The following WWP1 variants were observed in gnomAD, a reference collection of about 807,000 sequenced individuals.
WWP1 encodes WW domain containing E3 ubiquitin protein ligase 1.
Under a neutral mutation model 130.6 loss-of-function variants are expected in WWP1, and 49 were observed. That is an observed-to-expected ratio of 0.38 (90% CI 0.30 to 0.48). The LOEUF is 0.48. WWP1 is among the 20% of genes least tolerant of loss of function. The pLI, the probability that WWP1 is intolerant of heterozygous loss-of-function variation, is 0.99. For synonymous variants in WWP1, 332 were observed against 367.8 expected, an observed-to-expected ratio of 0.90 and a Z score of 1.11; for missense variants, 809 against 1,100.6, an observed-to-expected ratio of 0.74 and a Z score of 3.75.
intron 14 of WWP1, among the ~76,000 whole-genome samples, chr8:86,434,727 CTG>C (rs1433026338): frequency 6.6e-6 from 1 of 152,308 alleles, no homozygotes; most frequent in East Asian, 1.9e-4. Context: ...AATGCTGTCA[CTG>C]TCTAGAAGAA....
intron 2 of WWP1, among the ~76,000 whole-genome samples, chr8:86,370,661 C>G (rs1003870957): frequency 2.1e-4 from 32 of 152,062 alleles, no homozygotes; most frequent in Non-Finnish European, 2.6e-4. Context: ...TGATAACCAT[C>G]AAAATAATTC....
At chr8:86,442,491 A>G in intron 17 of WWP1, 128 bp from the exon 18 acceptor site, 2 of 873,038 alleles carry the variant, frequency 2.3e-6, no homozygotes, top group African/African-American at 1.7e-5. Context: ...TAGAGGGCCA[A>G]AGAATTGGGC....
intron 17 of WWP1, among the ~76,000 whole-genome samples, chr8:86,439,523 A>G (rs1810483602): frequency 6.6e-6 from 1 of 152,124 alleles, no homozygotes; most frequent in African/African-American, 2.4e-5. Flanking sequence ...AAATGGCTGT[A>G]CAATATTCTG....
At chr8:86,362,505 T>C (rs1433793137) in intron 1 of WWP1, among the ~76,000 whole-genome samples, 2 of 151,942 alleles carry the variant, frequency 1.3e-5, no homozygotes, top group Non-Finnish European at 2.9e-5. Context: ...ATTGCAAGGG[T>C]AGAAGAATCG....
intron 5 of WWP1, among the ~76,000 whole-genome samples, chr8:86,383,371 T>C (rs935643052): frequency 6.6e-6 from 1 of 152,220 alleles, no homozygotes. Context: ...ACTATCCACT[T>C]ATCTGCCAAA....
In WWP1 at chr8:86,448,614, GTTC is replaced by G. The variant is rs577274451; in HGVS notation, c.2273+106_2273+108del. 260 of 1,175,856 alleles carry G rather than the reference GTTC, an allele frequency of 2.2e-4. 1 individual carries two copies. The African/African-American group carries it at 3.7e-3, about 17-fold the overall frequency. 72.8% of individuals were successfully genotyped at this position (1,175,856 alleles called of 1,614,324 possible). A position where few individuals can be genotyped will look rare whatever the true frequency, so the allele number is the denominator to read the frequency against. On this transcript the variant is annotated intron_variant, in intron 20 of 24. Transcript: ENST00000517970. Reference sequence around the variant, plus strand: ...CATCCCCTTTTCATGCCTTTGGGAAGTTCTTCTCACCAGTACCAATGTTCTTGA... The same window carrying G: ...CATCCCCTTTTCATGCCTTTGGGAAGTTCTCACCAGTACCAATGTTCTTGA...
chr8:86,389,274 C>A (rs1304427232), intron 5 of WWP1, among the ~76,000 whole-genome samples: 1 of 151,774 alleles, frequency 6.6e-6, no homozygotes, highest in Admixed American at 6.6e-5. Context: ...GAACAAGGGT[C>A]TGTGGTTTTC....
Position 86,350,385 on chromosome 8 carries a change from C to T in WWP1, c.-115+7455C>T, listed in dbSNP as rs147648825. 1.8e-3 allele frequency among the ~76,000 whole-genome samples: 276 copies of T among 152,232 alleles called. 2 individuals carry two copies. The highest frequency in any genetic ancestry group is 6.8e-3 in the Middle Eastern group (2 of 294). On this transcript the variant is annotated intron_variant, in intron 1 of 24. Transcript: ENST00000517970. Reference sequence around the variant, plus strand: ...TAGCTTCTGAGTGGAGTAGTGAATGCATTTCATTTTAAGAATTTAGGTTAT... The same window carrying T: ...TAGCTTCTGAGTGGAGTAGTGAATGTATTTCATTTTAAGAATTTAGGTTAT...
At chr8:86,383,418 G>A (rs986710646) in intron 5 of WWP1, among the ~76,000 whole-genome samples, 5 of 152,146 alleles carry the variant, frequency 3.3e-5, no homozygotes, top group African/African-American at 7.2e-5. Context: ...AATACACTTC[G>A]AAATGAAGCC....
intron 2 of WWP1, among the ~76,000 whole-genome samples, chr8:86,373,662 G>C (rs1824460595): frequency 6.6e-6 from 1 of 152,012 alleles, no homozygotes; most frequent in Admixed American, 6.6e-5. Context: ...GCTTAAATTG[G>C]GGTACTTTCC....
intron 10 of WWP1, among the ~76,000 whole-genome samples, chr8:86,426,745 C>T (rs963611731): frequency 4.6e-5 from 7 of 152,122 alleles, no homozygotes; most frequent in Non-Finnish European, 1.0e-4. Flanking sequence ...AATATAATGG[C>T]AGGAAGGTGA....
intron 1 of WWP1, among the ~76,000 whole-genome samples, chr8:86,360,196 T>A (rs185029611): frequency 9.2e-5 from 14 of 152,322 alleles, no homozygotes; most frequent in Non-Finnish European, 1.9e-4. Context: ...CTTTTACGCT[T>A]ATGTTTCTCT....
intron 21 of WWP1, 76 bp from the exon 22 acceptor site, chr8:86,457,845 A>C: frequency 1.4e-6 from 2 of 1,389,276 alleles, no homozygotes; most frequent in Non-Finnish European, 2.0e-6. Context: ...GCATAACTGC[A>C]TTAGGAAATT....
intron 3 of WWP1, among the ~76,000 whole-genome samples, chr8:86,377,198 G>A (rs1175612115): frequency 6.6e-6 from 1 of 151,684 alleles, no homozygotes; most frequent in Non-Finnish European, 1.5e-5. Flanking sequence ...TGATTCTCCT[G>A]CATCAGCCTC....
At chr8:86,423,814 C>CTG (rs1809387458) in intron 9 of WWP1, among the ~76,000 whole-genome samples, 1 of 145,188 alleles carries the variant, frequency 6.9e-6, no homozygotes, top group African/African-American at 2.7e-5. Flanking sequence ...CAGAGGCGCC[C>CTG]CCCCCCCACC....
intron 5 of WWP1, among the ~76,000 whole-genome samples, chr8:86,383,761 A>G (rs931330702): frequency 2.0e-5 from 3 of 152,156 alleles, no homozygotes; most frequent in Non-Finnish European, 4.4e-5. Flanking sequence ...CTAAATAAAT[A>G]TATAAAAATT....
At position 86,438,670 on chromosome 8, in the gene WWP1, C is replaced by T. The variant is rs749190769; in HGVS notation, c.1835C>T (p.Ala612Val). 4 of 1,599,320 alleles carry T rather than the reference C, an allele frequency of 2.5e-6. No individual in the cohort carries two copies. The highest frequency in any genetic ancestry group is 3.4e-6 in the Non-Finnish European group (4 of 1,175,556). ...GEEGLDYGGLAREWFFLLSHE... is the reference protein window; with the variant it reads ...GEEGLDYGGLVREWFFLLSHE... Reference sequence around the variant, plus strand: ...GAAGGACTTGATTATGGTGGCCTAGCGAGGTAAAATAAAAAACACATATCT... The same window carrying T: ...GAAGGACTTGATTATGGTGGCCTAGTGAGGTAAAATAAAAAACACATATCT... Residue 612 changes from alanine (A) to valine (V), a missense_variant, in exon 17 of 25, where the codon GCG (alanine) becomes GTG (valine). By Grantham distance (64) the Ala-to-Val change is moderately conservative. Around this residue, in one of 3 missense-constraint regions of WWP1, gnomAD observed 450 missense variants for 674.2 expected, o/e 0.67. Transcript: ENST00000517970.
intron 8 of WWP1, among the ~76,000 whole-genome samples, chr8:86,403,784 A>G (rs989412472): frequency 1.3e-5 from 2 of 152,034 alleles, no homozygotes; most frequent in Non-Finnish European, 2.9e-5. Flanking sequence ...TTTCCCAAGT[A>G]CTCACAGTAG....
chr8:86,403,298 G>A (rs56096624), intron 8 of WWP1, among the ~76,000 whole-genome samples: 56,908 of 151,936 alleles, frequency 0.37, 11,465 homozygotes, highest in Middle Eastern at 0.48. Flanking sequence ...TTTTGATAAT[G>A]AGTCTTTTAT....
Sources: gnomAD v4.1 joint callset for allele counts (sites outside exome capture counted in the v4.1 genomes callset) on GRCh38, gnomAD v4.1.1 for gene constraint, gnomAD v4.1.1 regional missense constraint, MANE v1.5 for transcripts, NCBI Gene and HGNC (gene_info 2026-07-23, HGNC 2026-07-21) for gene names.